Variants in ENOX1 observed in about 807,000 individuals in gnomAD.
ENOX1 encodes the protein ecto-NOX disulfide-thiol exchanger 1, also known as candidate growth-related and time keeping constitutive hydroquinone (NADH) oxidase.
ENOX1 carries 42 observed loss-of-function variants against 82.5 expected under a neutral mutation model. The observed-to-expected ratio is 0.51, with a 90% CI of 0.40 to 0.66. The LOEUF is 0.66. Ranked by LOEUF, ENOX1 falls within the 30% of genes least tolerant of loss-of-function variation. The pLI is 0.00. For synonymous variants in ENOX1, 271 were observed against 282.2 expected (o/e 0.96, Z 0.40); for missense variants, 608 against 811.6 (o/e 0.75, Z 3.05).
Position 43,786,537 on chromosome 13 carries a change from C to G in ENOX1, c.-285+115G>C, listed in dbSNP as rs1427546688. ...CACCTCTAGCTCCACTCCCCTCCCC[C>G]CTCGCCCACTCCCCTCTCAGTCTAG... On this transcript the variant is annotated intron_variant, in intron 1 of 16. Transcript: ENST00000690772. This position sits in a 1 kb window ranked among gnomAD's most constrained non-coding sequence, Gnocchi z 6.0. 1.3e-5 allele frequency: 2 copies of G among 152,566 alleles called. No homozygotes were observed. Among genetic ancestry groups the G allele is most frequent in the African/African-American group, 2.4e-5 (1 of 41,444 alleles). 9.5% of individuals were successfully genotyped at this position (152,566 alleles called of 1,614,324 possible). A position where few individuals can be genotyped will look rare whatever the true frequency, so the allele number is the denominator to read the frequency against.
rs1566308507 is a variant in ENOX1 at position 43,470,387 on chromosome 13, C to CATATATATAT, written c.-75+13621_-75+13622insATATATATAT. On this transcript the variant is annotated intron_variant, in intron 3 of 16. Transcript: ENST00000690772. ...ATACGTATATATATACATATATATA[C>CATATATATAT]GTATATATATGTGTATATATATATA... is the stretch of plus-strand genomic sequence containing the variant. 1.4e-4 allele frequency among the ~76,000 whole-genome samples: 7 copies of CATATATATAT among 51,490 alleles called. 2 individuals carry two copies. Among genetic ancestry groups the CATATATATAT allele is most frequent in the African/African-American group, 5.2e-4 (7 of 13,590 alleles). The allele number at this position is 51,490 out of a possible 152,430, so 33.8% of individuals were successfully genotyped here.
chr13:43,325,144 T>C (rs1438194045), intron 10 of ENOX1, among the ~76,000 whole-genome samples: 1 of 152,034 alleles, frequency 6.6e-6, no homozygotes, highest in Non-Finnish European at 1.5e-5. Context: ...TTGACCTCAG[T>C]CTTAAGTCAG....
intron 14 of ENOX1, among the ~76,000 whole-genome samples, chr13:43,247,031 T>C (rs577067509): frequency 2.0e-5 from 3 of 152,232 alleles, no homozygotes; most frequent in Admixed American, 6.5e-5. Context: ...ATTAGAAGTA[T>C]TGCCTCTAGG....
rs576117434 is a variant in ENOX1 at position 43,686,201 on chromosome 13, A to G, written c.-284-18657T>C. On this transcript the variant is annotated intron_variant, in intron 1 of 16. Transcript: ENST00000690772. ...GTTATCTCATTTAATCCTCATGATA[A>G]TATCTTGAGGTAGACTGGTAGTATT... Among the ~76,000 whole-genome samples, 13 of 152,330 alleles carry G rather than the reference A, an allele frequency of 8.5e-5. No homozygotes were observed. The East Asian group carries it at 2.3e-3, about 27-fold the overall frequency.
At chr13:43,763,572 A>G (rs1391008694) in intron 1 of ENOX1, among the ~76,000 whole-genome samples, 2 of 152,218 alleles carry the variant, frequency 1.3e-5, no homozygotes, top group Non-Finnish European at 1.5e-5. Context: ...AAAATCAACT[A>G]GTTGCTTCAG....
chr13:43,353,966 A>G (rs1324783671), intron 8 of ENOX1, among the ~76,000 whole-genome samples: 1 of 152,250 alleles, frequency 6.6e-6, no homozygotes, highest in African/African-American at 2.4e-5. Context: ...GTGCGGAGAC[A>G]CTTCTGTACT....
At chr13:43,752,673 G>A (rs750210526) in intron 1 of ENOX1, among the ~76,000 whole-genome samples, 11 of 151,952 alleles carry the variant, frequency 7.2e-5, no homozygotes, top group South Asian at 2.1e-4. Context: ...TAAAATCCAC[G>A]GTCTATACAC....
At chr13:43,319,039 A>AAG (rs1207643887) in intron 11 of ENOX1, among the ~76,000 whole-genome samples, 2 of 152,128 alleles carry the variant, frequency 1.3e-5, no homozygotes, top group East Asian at 3.9e-4. Flanking sequence ...GGGAGGGAGG[A>AAG]AGAGAGAGAG....
At chr13:43,596,925 T>C (rs1456276658) in intron 2 of ENOX1, among the ~76,000 whole-genome samples, 1 of 152,206 alleles carries the variant, frequency 6.6e-6, no homozygotes, top group Non-Finnish European at 1.5e-5. Context: ...TGTATCAGTC[T>C]GTTCTCACAC....
intron 2 of ENOX1, among the ~76,000 whole-genome samples, chr13:43,556,073 T>G (rs1365875005): frequency 6.6e-6 from 1 of 152,194 alleles, no homozygotes; most frequent in Non-Finnish European, 1.5e-5. Context: ...TACCAATGAA[T>G]GTTCAATGTA....
intron 2 of ENOX1, among the ~76,000 whole-genome samples, chr13:43,585,850 T>G (rs542100667): frequency 6.6e-6 from 1 of 152,246 alleles, no homozygotes. Flanking sequence ...GTGCTGGGAT[T>G]ACAGGCGTGA....
At chr13:43,722,951 A>G (rs2088678154) in intron 1 of ENOX1, among the ~76,000 whole-genome samples, 1 of 152,234 alleles carries the variant, frequency 6.6e-6, no homozygotes, top group African/African-American at 2.4e-5. Context: ...ATACCAAGAA[A>G]ATTACATCAT....
intron 2 of ENOX1, among the ~76,000 whole-genome samples, chr13:43,632,430 A>C (rs1431784347): frequency 6.6e-6 from 1 of 151,604 alleles, no homozygotes; most frequent in Non-Finnish European, 1.5e-5. Context: ...AGATTATAAT[A>C]ATGTATTTCT....
intron 1 of ENOX1, among the ~76,000 whole-genome samples, chr13:43,754,308 T>C: frequency 1.7e-5 from 1 of 60,460 alleles, no homozygotes; most frequent in East Asian, 3.9e-4. Context: ...TGCGTGTATG[T>C]ATGTGTGTGT....
At chr13:43,560,575 T>C (rs2079626039) in intron 2 of ENOX1, among the ~76,000 whole-genome samples, 1 of 152,148 alleles carries the variant, frequency 6.6e-6, no homozygotes, top group Non-Finnish European at 1.5e-5. Flanking sequence ...TTCCACTGAG[T>C]TGTTACTTTT....
intron 14 of ENOX1, among the ~76,000 whole-genome samples, chr13:43,263,193 A>G (rs1458939155): frequency 6.6e-6 from 1 of 152,210 alleles, no homozygotes; most frequent in Non-Finnish European, 1.5e-5. Context: ...TAAGTAATCC[A>G]CCACCTGGGA....
intron 1 of ENOX1, among the ~76,000 whole-genome samples, chr13:43,689,084 G>A (rs1298396992): frequency 6.6e-6 from 1 of 152,196 alleles, no homozygotes; most frequent in Admixed American, 6.5e-5. Flanking sequence ...AAGGAGGAAA[G>A]TTCAGAGACA....
chr13:43,622,568 G>T (rs9533555), intron 2 of ENOX1, among the ~76,000 whole-genome samples: 1 of 152,060 alleles, frequency 6.6e-6, no homozygotes, highest in African/African-American at 2.4e-5. Flanking sequence ...TGGTAATGGG[G>T]GTTGTCTGCA....
chr13:43,342,414 T>A (rs2049118725), intron 9 of ENOX1, among the ~76,000 whole-genome samples: 1 of 151,972 alleles, frequency 6.6e-6, no homozygotes, highest in Admixed American at 6.5e-5. Flanking sequence ...TTTATGAGAA[T>A]GGGAAGGAAA....
Sources: gnomAD v4.1 joint callset for allele counts (sites outside exome capture counted in the v4.1 genomes callset) on GRCh38, gnomAD v4.1.1 for gene constraint, Gnocchi (gnomAD v3.1) non-coding constraint, MANE v1.5 for transcripts, NCBI Gene and HGNC (gene_info 2026-07-23, HGNC 2026-07-21) for gene names.